Variants in NREP observed in about 807,000 individuals in gnomAD.
NREP encodes the protein neuronal regeneration related protein.
Under a neutral mutation model 8.6 loss-of-function variants are expected in NREP, and 5 were observed. That is an observed-to-expected ratio of 0.58 (90% CI 0.30 to 1.22). NREP has a LOEUF of 1.22. NREP is among the 50% of genes most tolerant of loss of function. NREP has a pLI of 0.07. For synonymous variants in NREP, 27 were observed against 28.0 expected, an observed-to-expected ratio of 0.96 and a Z score of 0.11; for missense variants, 86 against 82.5, an observed-to-expected ratio of 1.04 and a Z score of -0.17.
At chr5:111,863,971 A>G (rs1443487340) in intron 2 of NREP, among the ~76,000 whole-genome samples, 1 of 152,122 alleles carries the variant, frequency 6.6e-6, no homozygotes, top group Non-Finnish European at 1.5e-5. Context: ...GCACAGCATC[A>G]TTACTGCTAT....
chr5:111,850,199 T>G (rs751868670), intron 2 of NREP, among the ~76,000 whole-genome samples: 5 of 152,190 alleles, frequency 3.3e-5, no homozygotes, highest in Non-Finnish European at 7.3e-5. Context: ...TAGCCACTAT[T>G]TAGTAGCTAT....
At chr5:111,900,063 T>C (rs1430448121) in intron 2 of NREP, among the ~76,000 whole-genome samples, 1 of 152,122 alleles carries the variant, frequency 6.6e-6, no homozygotes, top group Non-Finnish European at 1.5e-5. Flanking sequence ...CAGGTCTCAA[T>C]AGATTTTAAA....
At chr5:111,854,095 A>G (rs990980315) in intron 2 of NREP, among the ~76,000 whole-genome samples, 30 of 152,240 alleles carry the variant, frequency 2.0e-4, no homozygotes, top group Middle Eastern at 3.4e-3. Flanking sequence ...CCTTCTCTTT[A>G]TTCTCAAAGA....
At chr5:111,926,466 A>G (rs1755388529) in intron 2 of NREP, among the ~76,000 whole-genome samples, 1 of 152,146 alleles carries the variant, frequency 6.6e-6, no homozygotes, top group Admixed American at 6.5e-5. Flanking sequence ...AAGCCTGTAC[A>G]TAGGGACTTC....
At chr5:111,865,609 A>G (rs1753646914) in intron 2 of NREP, among the ~76,000 whole-genome samples, 1 of 152,180 alleles carries the variant, frequency 6.6e-6, no homozygotes, top group African/African-American at 2.4e-5. Flanking sequence ...TGAAAAGATA[A>G]AGAGACTTGG....
intron 1 of NREP, chr5:111,756,086 T>A: frequency 1.4e-5 from 16 of 1,158,008 alleles, no homozygotes; most frequent in Non-Finnish European, 1.7e-5. Context: ...CATCTTTAAA[T>A]TGCATGAGTT....
At chr5:111,768,244 G>A (rs1288823021) in intron 2 of NREP, among the ~76,000 whole-genome samples, 1 of 152,212 alleles carries the variant, frequency 6.6e-6, no homozygotes, top group East Asian at 1.9e-4. Context: ...GGGGTCAACA[G>A]TGGTAGCCTC....
At chr5:111,844,667 T>TTA (rs1331207146) in intron 2 of NREP, among the ~76,000 whole-genome samples, 1 of 144,480 alleles carries the variant, frequency 6.9e-6, no homozygotes, top group African/African-American at 2.5e-5. Context: ...ATTATATATA[T>TTA]TATATATATA....
In NREP at chr5:111,817,759, C is replaced by T. The variant is rs573150724; in HGVS notation, c.136-82252G>A. 3.6e-5 allele frequency among the ~76,000 whole-genome samples: 5 copies of T among 138,180 alleles called. No individual in the cohort carries two copies. The South Asian group carries it at 6.9e-4, about 19-fold the overall frequency. The allele number at this position is 138,180 out of a possible 152,430, so 90.7% of individuals were successfully genotyped here. A position where few individuals can be genotyped will look rare whatever the true frequency, so the allele number is the denominator to read the frequency against. ...GGCGGAGCTTACAGTGAGCTGAGAT[C>T]GTGCCACTGCACTCCAGCCTGGGCA... On this transcript the variant is annotated intron_variant, in intron 2 of 3. Coordinates refer to the NREP transcript ENST00000395634.
intron 2 of NREP, among the ~76,000 whole-genome samples, chr5:111,968,570 A>G (rs1756711663): frequency 6.6e-6 from 1 of 152,206 alleles, no homozygotes; most frequent in Non-Finnish European, 1.5e-5. Flanking sequence ...GGAGGAAGTC[A>G]TGTTGCCAAT....
At chr5:111,833,228 A>T (rs1041672170) in intron 2 of NREP, among the ~76,000 whole-genome samples, 3 of 152,242 alleles carry the variant, frequency 2.0e-5, no homozygotes, top group Non-Finnish European at 2.9e-5. Flanking sequence ...ACTCAAGGAA[A>T]ATCCTCAGAG....
intron 2 of NREP, among the ~76,000 whole-genome samples, chr5:111,960,448 A>T (rs1756448463): frequency 6.6e-6 from 1 of 152,320 alleles, no homozygotes; most frequent in East Asian, 1.9e-4. Flanking sequence ...GACTTGCAAA[A>T]ATATGTGCCA....
intron 2 of NREP, among the ~76,000 whole-genome samples, chr5:111,898,875 C>T (rs1754575934): frequency 6.6e-6 from 1 of 152,156 alleles, no homozygotes; most frequent in African/African-American, 2.4e-5. Context: ...ATGGAATCCT[C>T]ATCAGACTAA....
chr5:111,879,886 C>T (rs1035935048), intron 2 of NREP, among the ~76,000 whole-genome samples: 1 of 152,116 alleles, frequency 6.6e-6, no homozygotes, highest in African/African-American at 2.4e-5. Flanking sequence ...TGTAAGGGAA[C>T]CAATCTTTTC....
chr5:111,846,842 G>C (rs1003798925), intron 2 of NREP, among the ~76,000 whole-genome samples: 2 of 152,022 alleles, frequency 1.3e-5, no homozygotes, highest in African/African-American at 4.8e-5. Context: ...ACATTTAATA[G>C]CTATTTGTAC....
At chr5:111,895,385 A>T (rs6890246) in intron 2 of NREP, among the ~76,000 whole-genome samples, 61,043 of 152,102 alleles carry the variant, frequency 0.4, 14,474 homozygotes, top group Non-Finnish European at 0.54. Context: ...CTGACAATCC[A>T]AGTGGGAGTG....
intron 2 of NREP, among the ~76,000 whole-genome samples, chr5:111,780,564 G>T (rs1188087178): frequency 3.9e-5 from 6 of 152,100 alleles, no homozygotes; most frequent in Non-Finnish European, 1.5e-5. Flanking sequence ...ATTTTTATTT[G>T]CTAGTATATG....
chr5:111,808,969 G>C (rs1414050303), intron 2 of NREP, among the ~76,000 whole-genome samples: 4 of 152,120 alleles, frequency 2.6e-5, no homozygotes, highest in Non-Finnish European at 5.9e-5. Context: ...AATTACAAAT[G>C]ACCTTCTTCT....
chr5:111,891,449 C>T (rs1045159205), intron 2 of NREP, among the ~76,000 whole-genome samples: 2 of 152,222 alleles, frequency 1.3e-5, no homozygotes, highest in African/African-American at 4.8e-5. Context: ...CTCTTCCAAA[C>T]TCTGCCCATT....
Sources: allele counts gnomAD v4.1 joint callset (sites outside exome capture counted in the v4.1 genomes callset), GRCh38; gene constraint gnomAD v4.1.1; transcripts MANE v1.5; gene names NCBI Gene and HGNC (gene_info 2026-07-23, HGNC 2026-07-21).